The following C12orf56 variants were observed in gnomAD, a reference collection of about 807,000 sequenced individuals.
C12orf56 encodes the protein uncharacterized protein C12orf56.
In C12orf56, 71 loss-of-function variants were observed where a neutral mutation model predicts 69.9. The ratio of observed to expected loss-of-function variants is 1.02; its 90% confidence interval spans 0.84 to 1.24. The LOEUF is 1.24. C12orf56 is among the 50% of genes most tolerant of loss of function. The pLI, the probability that C12orf56 is intolerant of heterozygous loss-of-function variation, is 0.00. For missense variants in C12orf56, 732 were observed against 738.5 expected, an observed-to-expected ratio of 0.99 and a Z score of 0.10; for synonymous variants, 276 against 274.1, an observed-to-expected ratio of 1.01 and a Z score of -0.07.
At chr12:64,320,527 T>C (rs2038757603) in intron 3 of C12orf56, among the ~76,000 whole-genome samples, 1 of 152,190 alleles carries the variant, frequency 6.6e-6, no homozygotes, top group Admixed American at 6.5e-5. Flanking sequence ...ATTTTCCCAA[T>C]AGCATCAGCA....
At chr12:64,320,050 G>A (rs914004156) in intron 3 of C12orf56, among the ~76,000 whole-genome samples, 1 of 152,222 alleles carries the variant, frequency 6.6e-6, no homozygotes, top group African/African-American at 2.4e-5. Flanking sequence ...TCCTGATCCA[G>A]TGAGACGCCC....
At chr12:64,375,859 G>A (rs1188849144) in intron 1 of C12orf56, among the ~76,000 whole-genome samples, 1 of 152,158 alleles carries the variant, frequency 6.6e-6, no homozygotes, top group Non-Finnish European at 1.5e-5. Context: ...GCGATGAAAA[G>A]TGGATTTTAT....
At chr12:64,330,276 A>C (rs575031469) in intron 3 of C12orf56, among the ~76,000 whole-genome samples, 1 of 152,088 alleles carries the variant, frequency 6.6e-6, no homozygotes, top group African/African-American at 2.4e-5. Flanking sequence ...CTTCATCTGG[A>C]CTTTTAAGAC....
intron 3 of C12orf56, among the ~76,000 whole-genome samples, chr12:64,323,199 G>C (rs2038794052): frequency 6.6e-6 from 1 of 152,198 alleles, no homozygotes; most frequent in Non-Finnish European, 1.5e-5. Context: ...GACAGGGACT[G>C]AGTCCTGGGA....
intron 1 of C12orf56, among the ~76,000 whole-genome samples, chr12:64,355,462 A>T (rs1313882543): frequency 6.6e-6 from 1 of 152,148 alleles, no homozygotes; most frequent in Non-Finnish European, 1.5e-5. Context: ...CAGTAATTTA[A>T]TTTTAAATTT....
chr12:64,387,511 T>C (rs1019462767), intron 1 of C12orf56, among the ~76,000 whole-genome samples: 1 of 150,462 alleles, frequency 6.6e-6, no homozygotes, highest in African/African-American at 2.4e-5. Context: ...TTCTCACAGG[T>C]AAAAAAAAAC....
In C12orf56 at chr12:64,390,621, C is replaced by T; in HGVS notation, c.-56G>A. ...GGACTCGAGGCCCTCAGCTCGCCCT[C>T]TCCCCGCCCCCGCGCTGGAACCCGC... On this transcript the variant is annotated 5_prime_UTR_variant, in exon 1 of 13. Coordinates refer to ENST00000543942, the MANE Select transcript of C12orf56 (RefSeq NM_001170633.2). 3 of 1,395,924 alleles carry T rather than the reference C, an allele frequency of 2.1e-6. No individual in the cohort carries two copies. The highest frequency in any genetic ancestry group is 1.8e-6 in the Non-Finnish European group (2 of 1,084,032). 86.5% of individuals were successfully genotyped at this position (1,395,924 alleles called of 1,614,324 possible).
intron 10 of C12orf56, 68 bp from the exon 11 acceptor site, chr12:64,275,043 TTC>T: frequency 7.4e-7 from 1 of 1,350,200 alleles, no homozygotes. Context: ...AGGATACTCA[TTC>T]TTAAATACAT....
intron 1 of C12orf56, among the ~76,000 whole-genome samples, chr12:64,374,445 A>T (rs2039613948): frequency 6.6e-6 from 1 of 151,730 alleles, no homozygotes; most frequent in Non-Finnish European, 1.5e-5. Flanking sequence ...ATAATATATC[A>T]CTCACAAATG....
intron 11 of C12orf56, among the ~76,000 whole-genome samples, chr12:64,271,624 C>T (rs1419264593): frequency 6.6e-6 from 1 of 152,162 alleles, no homozygotes; most frequent in Non-Finnish European, 1.5e-5. Flanking sequence ...ACTGGCCCTT[C>T]CCTACAGGTA....
At chr12:64,332,193 A>G (rs2038939636) in intron 2 of C12orf56, among the ~76,000 whole-genome samples, 1 of 151,046 alleles carries the variant, frequency 6.6e-6, no homozygotes, top group African/African-American at 2.4e-5. Context: ...AGTCCCAGCT[A>G]CTCAGGAGGC....
chr12:64,266,744 C>A lies in C12orf56; in HGVS notation c.*439G>T. The A allele has an allele frequency of 2.8e-6, 1 of 353,100 alleles. No homozygotes were observed. The allele number at this position is 353,100 out of a possible 1,614,324, so 21.9% of individuals were successfully genotyped here. ...ACTTGAATGCCCATGCCTCAGGCCCCCACACTCCCCGGCATCCTATTGCTT... is the reference window on the plus strand; with the variant it reads ...ACTTGAATGCCCATGCCTCAGGCCCACACACTCCCCGGCATCCTATTGCTT... On this transcript the variant is annotated 3_prime_UTR_variant, in exon 13 of 13. Transcript: ENST00000543942.
intron 2 of C12orf56, among the ~76,000 whole-genome samples, chr12:64,340,083 A>G (rs534006801): frequency 6.6e-6 from 1 of 152,298 alleles, no homozygotes; most frequent in African/African-American, 2.4e-5. Context: ...GGCTGTCTAC[A>G]GGCTGAAGAA....
rs2037910763 is a variant in C12orf56, at chr12:64,265,330, A to C, written c.*1853T>G. 6.6e-6 allele frequency: 1 copy of C among 152,208 alleles called. No homozygotes were observed. Among genetic ancestry groups the C allele is most frequent in the Non-Finnish European group, 1.5e-5 (1 of 68,048 alleles). 9.4% of individuals were successfully genotyped at this position (152,208 alleles called of 1,614,324 possible). On this transcript the variant is annotated 3_prime_UTR_variant, in exon 13 of 13. Coordinates refer to ENST00000543942, the MANE Select transcript of C12orf56 (RefSeq NM_001170633.2). ...ACTCCTCATTGGGTAATGAAGGAAA[A>C]GACTTGGACACTTTATGGGGTGATG...
In C12orf56 at chr12:64,367,839, G is replaced by A. The variant is rs1272019825; in HGVS notation, c.253-14783C>T. On this transcript the variant is annotated intron_variant, in intron 1 of 12. Coordinates refer to ENST00000543942, the MANE Select transcript of C12orf56 (RefSeq NM_001170633.2). ...TTTTTTTTTTTTGAAATGGAGTCTT[G>A]CTCTGTCACCCAGGCTGGAGTGCAG... Among the ~76,000 whole-genome samples, 4 of 140,356 alleles carry A rather than the reference G, an allele frequency of 2.8e-5. No individual in the cohort carries two copies. The Admixed American group carries it at 3.0e-4, about 11-fold the overall frequency. The allele number at this position is 140,356 out of a possible 152,430, so 92.1% of individuals were successfully genotyped here. A position where few individuals can be genotyped will look rare whatever the true frequency, so the allele number is the denominator to read the frequency against.
chr12:64,346,026 A>G (rs1411129138), intron 2 of C12orf56, among the ~76,000 whole-genome samples: 1 of 152,008 alleles, frequency 6.6e-6, no homozygotes, highest in East Asian at 1.9e-4. Context: ...CAATGAAAGA[A>G]CTCCATCCTT....
intron 1 of C12orf56, among the ~76,000 whole-genome samples, chr12:64,369,751 G>A (rs1592496306): frequency 6.6e-6 from 1 of 151,942 alleles, no homozygotes; most frequent in Non-Finnish European, 1.5e-5. Context: ...GGGAGGCCAA[G>A]GCTGGTGGAT....
intron 1 of C12orf56, among the ~76,000 whole-genome samples, chr12:64,368,414 C>T (rs10878165): frequency 0.16 from 24,909 of 151,896 alleles, 2,432 homozygotes; most frequent in East Asian, 0.36. Flanking sequence ...TCTCATGAAT[C>T]GTCCACCTAT....
intron 9 of C12orf56, among the ~76,000 whole-genome samples, chr12:64,276,618 G>T (rs1344307951): frequency 1.3e-5 from 2 of 152,046 alleles, no homozygotes; most frequent in African/African-American, 4.8e-5. Context: ...ACTAATGAAG[G>T]CAGGGGTCGT....
Sources: gnomAD v4.1 joint callset for allele counts (sites outside exome capture counted in the v4.1 genomes callset) on GRCh38, gnomAD v4.1.1 for gene constraint, MANE v1.5 for transcripts, NCBI Gene and HGNC (gene_info 2026-07-23, HGNC 2026-07-21) for gene names.